Variants in SKIC3 observed in about 807,000 individuals in gnomAD.
The protein encoded by SKIC3 is superkiller complex protein 3.
At chr5:95,469,538 C>G in the SKIC3 span, among the ~76,000 whole-genome samples, 454 of 152,274 alleles carry the variant, frequency 3.0e-3, 3 homozygotes, top group Non-Finnish European at 3.6e-3. Flanking sequence ...TCATGCCAAA[C>G]CCCTCATGCC....
At chr5:95,491,009 A>G in the SKIC3 span, 1 of 1,613,980 alleles carries the variant, frequency 6.2e-7, no homozygotes, top group Non-Finnish European at 8.5e-7. Flanking sequence ...ACAGGCTGCC[A>G]TTAGCCCAGC....
chr5:95,521,542 T>C, the SKIC3 span: 1 of 152,292 alleles, frequency 6.6e-6, no homozygotes, highest in Non-Finnish European at 1.5e-5. Flanking sequence ...AAAGTAAGCA[T>C]ATATAATGAG....
chr5:95,464,477 A>C, the SKIC3 span: 1 of 712,744 alleles, frequency 1.4e-6, no homozygotes, highest in African/African-American at 1.8e-5. Context: ...TAAAAACTTC[A>C]ACTTCTCTAG....
the SKIC3 span, among the ~76,000 whole-genome samples, chr5:95,475,534 C>T: frequency 2.0e-5 from 3 of 152,110 alleles, no homozygotes; most frequent in Admixed American, 6.5e-5. Flanking sequence ...AAGCAGAAGT[C>T]GCTATGCTTA....
chr5:95,509,918 T>C, the SKIC3 span, among the ~76,000 whole-genome samples: 1 of 152,194 alleles, frequency 6.6e-6, no homozygotes, highest in East Asian at 1.9e-4. Flanking sequence ...TATTTTAGAA[T>C]TTAAACATTT....
chr5:95,484,630 AGCCACC>A, the SKIC3 span: 3 of 1,559,880 alleles, frequency 1.9e-6, no homozygotes, highest in Non-Finnish European at 2.6e-6. Flanking sequence ...TACAGGAGTG[AGCCACC>A]GCATCTAGCC....
the SKIC3 span, chr5:95,525,311 C>A: frequency 8.2e-7 from 1 of 1,226,776 alleles, no homozygotes; most frequent in Non-Finnish European, 1.2e-6. Flanking sequence ...AAAATCAAAT[C>A]TTCATCAAGC....
chr5:95,513,609 T>C, the SKIC3 span: 4 of 1,613,924 alleles, frequency 2.5e-6, no homozygotes, highest in East Asian at 2.2e-5. Flanking sequence ...AAGAGATCCA[T>C]GGTGTCATAA....
chr5:95,474,385 G>A, the SKIC3 span, among the ~76,000 whole-genome samples: 1 of 152,096 alleles, frequency 6.6e-6, no homozygotes, highest in African/African-American at 2.4e-5. Context: ...CATTAAGGAT[G>A]CTTCAAAACA....
the SKIC3 span, chr5:95,516,788 G>T: frequency 1.2e-6 from 2 of 1,601,702 alleles, no homozygotes; most frequent in Non-Finnish European, 1.7e-6. Context: ...TTTATTTCTT[G>T]GAATAGCAGC....
At chr5:95,501,910 C>G in the SKIC3 span, among the ~76,000 whole-genome samples, 1 of 151,988 alleles carries the variant, frequency 6.6e-6, no homozygotes, top group African/African-American at 2.4e-5. Flanking sequence ...AATGATATAG[C>G]CATGTAAAGT....
the SKIC3 span, chr5:95,547,103 T>C: frequency 6.2e-7 from 1 of 1,613,362 alleles, no homozygotes; most frequent in Admixed American, 1.7e-5. Context: ...TGTTTCTGAT[T>C]GCATCTCTAG....
chr5:95,542,930 G>C, the SKIC3 span, among the ~76,000 whole-genome samples: 26 of 152,058 alleles, frequency 1.7e-4, no homozygotes, highest in African/African-American at 6.0e-4. Context: ...ATATAACTAA[G>C]GTAGAGATTT....
the SKIC3 span, chr5:95,484,736 A>G: frequency 6.2e-7 from 1 of 1,614,164 alleles, no homozygotes; most frequent in Non-Finnish European, 8.5e-7. Context: ...TTGTGCAGAG[A>G]GTTTCAGCTT....
At chr5:95,509,261 G>C in the SKIC3 span, among the ~76,000 whole-genome samples, 1 of 152,138 alleles carries the variant, frequency 6.6e-6, no homozygotes, top group Non-Finnish European at 1.5e-5. Context: ...CCTTAGTTCA[G>C]CTAAAACCGG....
the SKIC3 span, among the ~76,000 whole-genome samples, chr5:95,480,097 T>C: frequency 6.6e-6 from 1 of 152,166 alleles, no homozygotes; most frequent in East Asian, 1.9e-4. Context: ...TAATCCAGGA[T>C]AAATTATAGA....
chr5:95,479,161 A>G, the SKIC3 span, among the ~76,000 whole-genome samples: 1 of 152,214 alleles, frequency 6.6e-6, no homozygotes, highest in East Asian at 1.9e-4. Context: ...ACGTATAAAA[A>G]TCAACTGAAT....
At chr5:95,483,321 T>C in the SKIC3 span, among the ~76,000 whole-genome samples, 1 of 152,166 alleles carries the variant, frequency 6.6e-6, no homozygotes, top group Admixed American at 6.5e-5. Flanking sequence ...TAGCATACTT[T>C]TCTATTTTTT....
the SKIC3 span, chr5:95,528,966 C>G: frequency 6.4e-7 from 1 of 1,568,666 alleles, no homozygotes; most frequent in Middle Eastern, 1.7e-4. Flanking sequence ...GGGTTGGTCA[C>G]CCTTATATGT....
Sources: allele counts gnomAD v4.1 joint callset (sites outside exome capture counted in the v4.1 genomes callset), GRCh38; gene constraint gnomAD v4.1.1; transcripts MANE v1.5; gene names NCBI Gene and HGNC (gene_info 2026-07-23, HGNC 2026-07-21).